The following SGPP2 variants were observed in gnomAD, a reference collection of about 807,000 sequenced individuals.
SGPP2 encodes the protein sphingosine-1-phosphate phosphatase 2.
A neutral mutation model predicts 33.9 loss-of-function variants in SGPP2; 30 were observed. The ratio of observed to expected loss-of-function variants is 0.89; its 90% CI spans 0.66 to 1.20. The LOEUF (loss-of-function observed/expected upper bound fraction) is 1.20. Among genes scored for constraint, SGPP2 ranks in the 50% most tolerant of loss-of-function variants. The probability of loss-of-function intolerance (pLI) is 0.00; values close to 1 mark genes in which losing one functional copy is unlikely to be tolerated. For missense variants in SGPP2, 458 were observed against 532.1 expected, an observed-to-expected ratio of 0.86 and a Z score of 1.37; for synonymous variants, 233 against 225.0, an observed-to-expected ratio of 1.04 and a Z score of -0.32.
At chr2:222,439,217 G>C (rs1367848625) in intron 1 of SGPP2, among the ~76,000 whole-genome samples, 3 of 152,098 alleles carry the variant, frequency 2.0e-5, no homozygotes, top group African/African-American at 7.2e-5. Context: ...GGTCTCCTTG[G>C]GGAAGGATGG....
At chr2:222,545,334 T>G (rs1689168588) in intron 4 of SGPP2, among the ~76,000 whole-genome samples, 1 of 149,968 alleles carries the variant, frequency 6.7e-6, no homozygotes, top group Non-Finnish European at 1.5e-5. Context: ...CAGGCTGGAG[T>G]GCAGTGGCAC....
At chr2:222,443,191 A>AT (rs1416174855) in intron 1 of SGPP2, among the ~76,000 whole-genome samples, 3 of 151,944 alleles carry the variant, frequency 2.0e-5, no homozygotes, top group South Asian at 2.1e-4. Flanking sequence ...TGAATCATAT[A>AT]TTTTTTTTAA....
chr2:222,553,738 A>T (rs564377085), intron 4 of SGPP2, among the ~76,000 whole-genome samples: 126 of 152,330 alleles, frequency 8.3e-4, no homozygotes, highest in African/African-American at 2.9e-3. Context: ...AGCTCTGTGC[A>T]TTCATTATAC....
chr2:222,556,075 G>C (rs1689393135), intron 4 of SGPP2, among the ~76,000 whole-genome samples: 1 of 152,172 alleles, frequency 6.6e-6, no homozygotes, highest in South Asian at 2.1e-4. Flanking sequence ...AGATGCTGAA[G>C]AAACAGCCAA....
chr2:222,504,371 C>G (rs899868150), intron 2 of SGPP2: 1 of 152,220 alleles, frequency 6.6e-6, no homozygotes, highest in South Asian at 2.1e-4. Context: ...CAGTCATCAT[C>G]GATGACTTCT....
At chr2:222,516,612 G>A (rs767711332) in intron 2 of SGPP2, among the ~76,000 whole-genome samples, 2 of 152,138 alleles carry the variant, frequency 1.3e-5, no homozygotes, top group Non-Finnish European at 2.9e-5. Context: ...TATCATATAA[G>A]TATACAGGTA....
At chr2:222,478,177 GGAGAGAGGGAGA>G (rs1697976828) in intron 2 of SGPP2, among the ~76,000 whole-genome samples, 1 of 142,498 alleles carries the variant, frequency 7.0e-6, no homozygotes, top group Non-Finnish European at 1.5e-5. Flanking sequence ...GGGGCGAGAG[GGAGAGAGGGAGA>G]GAGGGAGGGA....
intron 2 of SGPP2, among the ~76,000 whole-genome samples, chr2:222,495,730 C>T (rs949590438): frequency 2.0e-5 from 3 of 152,180 alleles, no homozygotes; most frequent in African/African-American, 7.2e-5. Context: ...CAGACACAGA[C>T]TCTCCAAATT....
At chr2:222,424,371 G>T (rs1697024527), upstream of SGPP2, 1 of 179,166 alleles carries the variant, frequency 5.6e-6, no homozygotes, top group Admixed American at 6.2e-5. Flanking sequence ...GCCCGGGGCC[G>T]CCCAAGCCCT....
intron 2 of SGPP2, among the ~76,000 whole-genome samples, chr2:222,483,288 C>T (rs1164709883): frequency 1.3e-5 from 2 of 151,448 alleles, no homozygotes; most frequent in African/African-American, 2.4e-5. Flanking sequence ...TGCGTAATTG[C>T]GTGGCAAATA....
At chr2:222,426,919 C>T (rs1697080025) in intron 1 of SGPP2, among the ~76,000 whole-genome samples, 1 of 152,208 alleles carries the variant, frequency 6.6e-6, no homozygotes, top group Non-Finnish European at 1.5e-5. Flanking sequence ...CGTTGGCCTG[C>T]CTGAGCTGCC....
chr2:222,464,350 C>A (rs557290298), intron 1 of SGPP2, among the ~76,000 whole-genome samples: 6 of 152,354 alleles, frequency 3.9e-5, no homozygotes, highest in African/African-American at 1.4e-4. Context: ...CAGAAGTTCA[C>A]ATTCCTGGTC....
At chr2:222,529,747 A>C (rs1698812905) in intron 4 of SGPP2, among the ~76,000 whole-genome samples, 1 of 152,242 alleles carries the variant, frequency 6.6e-6, no homozygotes, top group South Asian at 2.1e-4. Flanking sequence ...TAATGTTGAT[A>C]GCTTGACCTC....
In SGPP2 at chr2:222,474,549, T is replaced by C. The variant is rs1446528408; in HGVS notation, c.220-19T>C. ...CATATTGCATGAACTCACAGAGTCT[T>C]CTAACTTTTGTCTTTTAGGCTTATG... On this transcript the variant is annotated intron_variant, in intron 1 of 4. Coordinates refer to ENST00000321276, the MANE Select transcript of SGPP2 (RefSeq NM_152386.4). The C allele has an allele frequency of 6.2e-7, 1 of 1,610,964 alleles. No homozygotes were observed. Among genetic ancestry groups the C allele is most frequent in the Non-Finnish European group, 8.5e-7 (1 of 1,178,240 alleles).
At chr2:222,451,691 A>G (rs1007387736) in intron 1 of SGPP2, among the ~76,000 whole-genome samples, 1 of 152,222 alleles carries the variant, frequency 6.6e-6, no homozygotes, top group Non-Finnish European at 1.5e-5. Context: ...AAGGGGACTA[A>G]AAGTAAAGGA....
chr2:222,483,383 T>A (rs1440651672), intron 2 of SGPP2, among the ~76,000 whole-genome samples: 1 of 152,166 alleles, frequency 6.6e-6, no homozygotes, highest in Non-Finnish European at 1.5e-5. Context: ...TTTAGCAGGT[T>A]CTTCTGTTCC....
intron 1 of SGPP2, among the ~76,000 whole-genome samples, chr2:222,450,895 G>A (rs1697476190): frequency 6.6e-6 from 1 of 152,146 alleles, no homozygotes; most frequent in Non-Finnish European, 1.5e-5. Flanking sequence ...GAGCTCTCTG[G>A]ATGAATAGGG....
chr2:222,443,630 A>G (rs1295456839), intron 1 of SGPP2, among the ~76,000 whole-genome samples: 1 of 152,148 alleles, frequency 6.6e-6, no homozygotes, highest in Non-Finnish European at 1.5e-5. Context: ...TGTTGTGCCA[A>G]GAGTAGATAT....
At chr2:222,434,051 T>C (rs922488300) in intron 1 of SGPP2, among the ~76,000 whole-genome samples, 3 of 152,220 alleles carry the variant, frequency 2.0e-5, no homozygotes, top group African/African-American at 7.2e-5. Flanking sequence ...ACTAAGGCAT[T>C]CTTGCATTTT....
Sources: allele counts gnomAD v4.1 joint callset (sites outside exome capture counted in the v4.1 genomes callset), GRCh38; gene constraint gnomAD v4.1.1; transcripts MANE v1.5; gene names NCBI Gene and HGNC (gene_info 2026-07-23, HGNC 2026-07-21).